NELL2: variants seen among roughly 807,000 people sequenced by gnomAD.
NELL2 encodes neural EGFL like 2.
NELL2 carries 41 observed loss-of-function variants against 109.6 expected under a neutral mutation model. The observed-to-expected ratio is 0.37, with a 90% CI of 0.29 to 0.49. NELL2 has a LOEUF of 0.49. NELL2 is among the 20% of genes least tolerant of loss of function. The pLI, the probability that NELL2 is intolerant of heterozygous loss-of-function variation, is 0.98. For missense variants in NELL2, 900 were observed against 1,008.3 expected, an observed-to-expected ratio of 0.89 and a Z score of 1.45; for synonymous variants, 355 against 344.7, an observed-to-expected ratio of 1.03 and a Z score of -0.33.
At chr12:44,712,956 G>A (rs1451046042) in intron 10 of NELL2, among the ~76,000 whole-genome samples, 1 of 151,638 alleles carries the variant, frequency 6.6e-6, no homozygotes, top group Non-Finnish European at 1.5e-5. Context: ...GGTAGAAAAT[G>A]GTGCCTTTTG....
At chr12:44,749,976 GA>G (rs148720043) in intron 9 of NELL2, among the ~76,000 whole-genome samples, 8,041 of 148,336 alleles carry the variant, frequency 0.054, 668 homozygotes, top group African/African-American at 0.18. Context: ...CTAGCAGGGA[GA>G]AAAAAAAAGG....
intron 15 of NELL2, among the ~76,000 whole-genome samples, chr12:44,584,462 A>G (rs1944426221): frequency 6.6e-6 from 1 of 152,242 alleles, no homozygotes; most frequent in Admixed American, 6.5e-5. Flanking sequence ...CATGGTTTAC[A>G]ACCAGCTCTT....
At chr12:44,908,559 T>C (rs1348743634) in intron 1 of NELL2, among the ~76,000 whole-genome samples, 1 of 151,854 alleles carries the variant, frequency 6.6e-6, no homozygotes, top group Admixed American at 6.6e-5. Flanking sequence ...GGAAAGAAGG[T>C]CAAGGAATCA....
At chr12:44,716,097 G>A (rs919167812) in intron 9 of NELL2, among the ~76,000 whole-genome samples, 6 of 152,020 alleles carry the variant, frequency 3.9e-5, no homozygotes, top group African/African-American at 1.4e-4. Flanking sequence ...ACCATGCCTG[G>A]TCTATTCTCT....
At chr12:44,802,916 A>G (rs938788826) in intron 3 of NELL2, among the ~76,000 whole-genome samples, 7 of 152,078 alleles carry the variant, frequency 4.6e-5, no homozygotes, top group Admixed American at 2.6e-4. Flanking sequence ...GGATCAGGAT[A>G]TTGGAATAAA....
At chr12:44,721,669 A>C (rs1938779346) in intron 9 of NELL2, among the ~76,000 whole-genome samples, 1 of 151,984 alleles carries the variant, frequency 6.6e-6, no homozygotes, top group Admixed American at 6.6e-5. Context: ...TTTTGATGTT[A>C]TAGTGACGAA....
At chr12:44,703,931 T>A in intron 11 of NELL2, 77 bp from the exon 12 acceptor site, 1 of 1,313,096 alleles carries the variant, frequency 7.6e-7, no homozygotes, top group Non-Finnish European at 1.0e-6. Flanking sequence ...ATATTTTCTT[T>A]AATTTTGAAG....
At chr12:44,539,223 A>C (rs1942431426) in intron 15 of NELL2, among the ~76,000 whole-genome samples, 1 of 152,158 alleles carries the variant, frequency 6.6e-6, no homozygotes, top group Admixed American at 6.6e-5. Context: ...ATTCAGGAGA[A>C]ATTCCTACCT....
At chr12:44,795,290 T>TA (rs1942579848) in intron 3 of NELL2, among the ~76,000 whole-genome samples, 1 of 152,156 alleles carries the variant, frequency 6.6e-6, no homozygotes, top group African/African-American at 2.4e-5. Context: ...GTGCCAAATA[T>TA]ATATTATCAG....
In NELL2 at chr12:44,679,468, A is replaced by AT. The variant is rs545581755; in HGVS notation, c.1319-13860dup. ...CAGCTGTGTGAATCCACCACCTGACATTTTTATAACACTTTGCTTTGTACA... is the reference window on the plus strand; with the variant it reads ...CAGCTGTGTGAATCCACCACCTGACATTTTTTATAACACTTTGCTTTGTACA... On this transcript the variant is annotated intron_variant, in intron 12 of 19. Coordinates refer to ENST00000429094, the MANE Select transcript of NELL2 (RefSeq NM_001145108.2). Among the ~76,000 whole-genome samples, 881 of 152,252 alleles carry AT rather than the reference A, an allele frequency of 5.8e-3. 11 individuals are homozygous for AT. Among genetic ancestry groups the AT allele is most frequent in the African/African-American group, 0.02 (846 of 41,544 alleles).
intron 9 of NELL2, among the ~76,000 whole-genome samples, chr12:44,751,454 A>T: frequency 6.6e-6 from 1 of 152,168 alleles, no homozygotes; most frequent in Non-Finnish European, 1.5e-5. Flanking sequence ...TAAAATATTC[A>T]TCAAAATCTA....
chr12:44,884,974 G>A (rs1307084490), intron 1 of NELL2, among the ~76,000 whole-genome samples: 1 of 151,988 alleles, frequency 6.6e-6, no homozygotes, highest in East Asian at 1.9e-4. Flanking sequence ...TCTATCCAAT[G>A]AGGCAATAAA....
chr12:44,843,867 C>T (rs1196814608), intron 2 of NELL2, among the ~76,000 whole-genome samples: 1 of 151,980 alleles, frequency 6.6e-6, no homozygotes, highest in Non-Finnish European at 1.5e-5. Flanking sequence ...ATGAAAAACA[C>T]AAAAATTAGC....
intron 13 of NELL2, among the ~76,000 whole-genome samples, chr12:44,631,797 GA>G (rs1464647832): frequency 6.6e-6 from 1 of 152,006 alleles, no homozygotes; most frequent in Non-Finnish European, 1.5e-5. Context: ...CTAAACAGTT[GA>G]AGATGAGAGA....
intron 13 of NELL2, among the ~76,000 whole-genome samples, chr12:44,638,905 A>G (rs1252680980): frequency 6.6e-6 from 1 of 152,132 alleles, no homozygotes. Context: ...ATATAATTTA[A>G]TTTTTCTAAT....
intron 11 of NELL2, among the ~76,000 whole-genome samples, chr12:44,709,468 C>T (rs761256535): frequency 5.3e-5 from 8 of 152,152 alleles, no homozygotes; most frequent in African/African-American, 1.7e-4. Context: ...CAGCCAAGCC[C>T]GGCTTCCAGC....
At chr12:44,680,961 T>C (rs912763695) in intron 12 of NELL2, among the ~76,000 whole-genome samples, 3 of 152,174 alleles carry the variant, frequency 2.0e-5, no homozygotes, top group African/African-American at 7.2e-5. Context: ...ATCTCAAATA[T>C]GATGTCAGCA....
intron 3 of NELL2, among the ~76,000 whole-genome samples, chr12:44,786,253 G>T (rs773315367): frequency 1.3e-5 from 2 of 152,162 alleles, no homozygotes; most frequent in African/African-American, 4.8e-5. Context: ...AGACATTTAT[G>T]CAGCCAACAA....
intron 15 of NELL2, among the ~76,000 whole-genome samples, chr12:44,584,646 T>C (rs1390682214): frequency 1.3e-5 from 2 of 152,254 alleles, no homozygotes; most frequent in African/African-American, 4.8e-5. Flanking sequence ...CATTTATTCA[T>C]GGTTTCTTTT....
Sources: gnomAD v4.1 joint callset for allele counts (sites outside exome capture counted in the v4.1 genomes callset) on GRCh38, gnomAD v4.1.1 for gene constraint, MANE v1.5 for transcripts, NCBI Gene and HGNC (gene_info 2026-07-23, HGNC 2026-07-21) for gene names.